The following ZFYVE28 variants were observed in gnomAD, a reference collection of about 807,000 sequenced individuals.
ZFYVE28 encodes the protein lateral signaling target protein 2 homolog.
A neutral mutation model predicts 82.1 loss-of-function variants in ZFYVE28; 40 were observed. That is an observed-to-expected ratio of 0.49 (90% CI 0.38 to 0.63). The LOEUF (loss-of-function observed/expected upper bound fraction) is 0.63. ZFYVE28 is among the 30% of genes least tolerant of loss of function. The probability of loss-of-function intolerance (pLI) is 0.00; values close to 1 mark genes in which losing one functional copy is unlikely to be tolerated. For missense variants in ZFYVE28, 1,321 were observed against 1,242.1 expected, an observed-to-expected ratio of 1.06 and a Z score of -0.96; for synonymous variants, 612 against 546.1, an observed-to-expected ratio of 1.12 and a Z score of -1.68.
Position 2,339,288 on chromosome 4 carries a change from C to A in ZFYVE28, c.521+165G>T, listed in dbSNP as rs906893164. On this transcript the variant is annotated intron_variant, in intron 4 of 12. Coordinates refer to ENST00000290974, the MANE Select transcript of ZFYVE28 (RefSeq NM_020972.3). The surrounding 1 kb of genome is among the most constrained non-coding windows in gnomAD (Gnocchi z 5.0). Reference sequence around the variant, plus strand: ...GGAAAGATGCCCCACCTCACCTCCACGCTATGCTCTCCAGGGCTTAACCCC... The same window carrying A: ...GGAAAGATGCCCCACCTCACCTCCAAGCTATGCTCTCCAGGGCTTAACCCC... Among the ~76,000 whole-genome samples, 1 of 152,184 alleles carries A rather than the reference C, an allele frequency of 6.6e-6. No individual in the cohort carries two copies. The highest frequency in any genetic ancestry group is 6.5e-5 in the Admixed American group (1 of 15,282).
At chr4:2,400,371 C>T (rs750568464) in intron 1 of ZFYVE28, among the ~76,000 whole-genome samples, 1 of 152,078 alleles carries the variant, frequency 6.6e-6, no homozygotes, top group Non-Finnish European at 1.5e-5. Flanking sequence ...TGACAGCACA[C>T]GCACAACACT....
At chr4:2,346,462 T>C (rs1470471875) in intron 2 of ZFYVE28, among the ~76,000 whole-genome samples, 1 of 152,046 alleles carries the variant, frequency 6.6e-6, no homozygotes, top group Non-Finnish European at 1.5e-5. Flanking sequence ...GACTACATGG[T>C]AAATATACAA....
chr4:2,325,886 C>A (rs1202501142), intron 6 of ZFYVE28, among the ~76,000 whole-genome samples: 2 of 152,026 alleles, frequency 1.3e-5, no homozygotes, highest in Non-Finnish European at 2.9e-5. Context: ...AGCCACCATG[C>A]CCAGTCTCTT....
At chr4:2,279,656 C>T (rs910258846) in intron 8 of ZFYVE28, among the ~76,000 whole-genome samples, 6 of 151,936 alleles carry the variant, frequency 3.9e-5, no homozygotes, top group African/African-American at 1.5e-4. Flanking sequence ...TGGCGGGCGC[C>T]TGTAGTCCCA....
chr4:2,358,592 T>C (rs1725675697), intron 1 of ZFYVE28, among the ~76,000 whole-genome samples: 1 of 152,110 alleles, frequency 6.6e-6, no homozygotes, highest in Admixed American at 6.5e-5. Context: ...CTCTGAATGG[T>C]CTCCCATGGA....
intron 1 of ZFYVE28, among the ~76,000 whole-genome samples, chr4:2,383,991 C>T (rs930050595): frequency 2.0e-5 from 3 of 152,308 alleles, no homozygotes; most frequent in African/African-American, 7.2e-5. Context: ...GTCCCCATCA[C>T]CCTGAAGTGT....
At chr4:2,292,515 T>C (rs1042238158) in intron 8 of ZFYVE28, among the ~76,000 whole-genome samples, 4 of 152,110 alleles carry the variant, frequency 2.6e-5, no homozygotes, top group Non-Finnish European at 4.4e-5. Context: ...GGTCATCGAG[T>C]GCCTGATAAC....
At position 2,339,646 on chromosome 4, in the gene ZFYVE28, C is replaced by A. The variant is rs199786049; in HGVS notation, c.328G>T (p.Ala110Ser). The change falls in exon 4 of 13, where the codon GCC (alanine) becomes TCC (serine). Residue 110 changes from alanine to serine, a missense_variant. Physicochemically the swap from Ala to Ser is moderately conservative, Grantham distance 99 (BLOSUM62 1). This residue lies in a region of ZFYVE28 where 343 missense variants were observed against 408.4 expected (regional missense o/e 0.84). Transcript: ENST00000290974. This position sits in a 1 kb window ranked among gnomAD's most constrained non-coding sequence, Gnocchi z 5.0. The part of the protein sequence containing the change: ...QLWFGAECLA[A>S]GSIIMNRELE... ...TCCCGGTTCATGATGATGGAGCCGG[C>A]GGCCAGGCACTGCGGGAGGGGACAC... 1.9e-6 allele frequency: 3 copies of A among 1,599,370 alleles called. No homozygotes were observed. Among genetic ancestry groups the A allele is most frequent in the Non-Finnish European group, 2.6e-6 (3 of 1,174,118 alleles).
intron 6 of ZFYVE28, among the ~76,000 whole-genome samples, chr4:2,333,270 C>T (rs1226529717): frequency 7.2e-6 from 1 of 139,802 alleles, no homozygotes; most frequent in East Asian, 2.5e-4. Context: ...ACCTCCCTCC[C>T]CAAGCTGCCC....
Position 2,324,437 on chromosome 4 carries a change from C to T in ZFYVE28, c.702-4166G>A, listed in dbSNP as rs772245157. The T allele has an allele frequency of 9.0e-4, 143 of 158,906 alleles. 2 individuals are homozygous for T. Among genetic ancestry groups the T allele is most frequent in the Admixed American group, 1.9e-4 (3 of 15,778 alleles). 9.8% of individuals were successfully genotyped at this position (158,906 alleles called of 1,614,324 possible). ...CGTACAGCGGATGCTACACTGGACACGGATGGGTAGAATCATCCATTCAGT... is the reference window on the plus strand; with the variant it reads ...CGTACAGCGGATGCTACACTGGACATGGATGGGTAGAATCATCCATTCAGT... On this transcript the variant is annotated intron_variant, in intron 6 of 12. Transcript: ENST00000290974.
intron 2 of ZFYVE28, among the ~76,000 whole-genome samples, chr4:2,349,615 G>A (rs1190218883): frequency 6.6e-6 from 1 of 152,180 alleles, no homozygotes; most frequent in Admixed American, 6.5e-5. Context: ...TAGGCACTGG[G>A]ATGTACTGGT....
At chr4:2,352,663 A>G (rs560218017) in intron 2 of ZFYVE28, among the ~76,000 whole-genome samples, 2 of 152,228 alleles carry the variant, frequency 1.3e-5, no homozygotes, top group Non-Finnish European at 2.9e-5. Context: ...CTCACAGGGC[A>G]GTTCTCACGG....
intron 1 of ZFYVE28, among the ~76,000 whole-genome samples, chr4:2,397,410 G>C (rs1305299701): frequency 1.3e-5 from 2 of 151,238 alleles, no homozygotes; most frequent in Admixed American, 6.6e-5. Context: ...CCCAGGAGGT[G>C]GAGCTTGCAG....
Position 2,409,625 on chromosome 4 carries a change from C to G in ZFYVE28, c.39+8660G>C, listed in dbSNP as rs145167899. Among the ~76,000 whole-genome samples, 71 of 152,358 alleles carry G rather than the reference C, an allele frequency of 4.7e-4. 1 individual carries two copies. Among genetic ancestry groups the G allele is most frequent in the South Asian group, 1.7e-3 (8 of 4,832 alleles). On this transcript the variant is annotated intron_variant, in intron 1 of 12. Transcript: ENST00000290974. This position sits in a 1 kb window ranked among gnomAD's most constrained non-coding sequence, Gnocchi z 4.4. ...GGCAAGGCCCACATGGCCTGACAGC[C>G]TTGGAGATTCCCACTGAGCAGCCCA...
Position 2,362,447 on chromosome 4 carries a change from C to T in ZFYVE28, c.40-8374G>A, listed in dbSNP as rs991722688. ...TGACCAACTAATGGCCGAGCAAGCC[C>T]CTCCACCCCTCCACCACTGGGGCTA... On this transcript the variant is annotated intron_variant, in intron 1 of 12. Coordinates refer to ENST00000290974, the MANE Select transcript of ZFYVE28 (RefSeq NM_020972.3). The surrounding 1 kb of genome is among the most constrained non-coding windows in gnomAD (Gnocchi z 5.1). Among the ~76,000 whole-genome samples the T allele has an allele frequency of 1.4e-4, 21 of 152,268 alleles. No individual in the cohort carries two copies. Among genetic ancestry groups the T allele is most frequent in the African/African-American group, 4.8e-4 (20 of 41,546 alleles).
chr4:2,404,865 T>TTTC (rs1731680034), intron 1 of ZFYVE28, among the ~76,000 whole-genome samples: 3 of 145,736 alleles, frequency 2.1e-5, no homozygotes, highest in Non-Finnish European at 3.1e-5. Flanking sequence ...CTCTTTTTTT[T>TTTC]TTTTTTTTTT....
At chr4:2,364,093 G>C (rs911430166) in intron 1 of ZFYVE28, among the ~76,000 whole-genome samples, 1 of 152,208 alleles carries the variant, frequency 6.6e-6, no homozygotes, top group Non-Finnish European at 1.5e-5. Flanking sequence ...TGAAGGGAAG[G>C]CCTCCCCAGG....
intron 2 of ZFYVE28, among the ~76,000 whole-genome samples, chr4:2,351,164 C>A (rs1724372149): frequency 6.6e-6 from 1 of 151,998 alleles, no homozygotes; most frequent in African/African-American, 2.4e-5. Context: ...TCTGAGGTCA[C>A]TCCGGGTGGA....
intron 8 of ZFYVE28, among the ~76,000 whole-genome samples, chr4:2,293,070 T>G (rs1185122911): frequency 6.7e-6 from 1 of 150,358 alleles, no homozygotes; most frequent in East Asian, 1.9e-4. Context: ...AGAAAAAGCA[T>G]TTGAGAAAAT....
Sources: gnomAD v4.1 joint callset for allele counts (sites outside exome capture counted in the v4.1 genomes callset) on GRCh38, gnomAD v4.1.1 for gene constraint, gnomAD v4.1.1 regional missense constraint, Gnocchi (gnomAD v3.1) non-coding constraint, MANE v1.5 for transcripts, NCBI Gene and HGNC (gene_info 2026-07-23, HGNC 2026-07-21) for gene names.